Variants in CHCHD6 observed in about 807,000 individuals in gnomAD.
CHCHD6 encodes the protein coiled-coil-helix-coiled-coil-helix domain containing 6, also known as MICOS complex subunit MIC25.
Under a neutral mutation model 32.3 loss-of-function variants are expected in CHCHD6, and 28 were observed. The observed-to-expected ratio is 0.87, with a 90% CI of 0.64 to 1.19. CHCHD6 has a LOEUF of 1.19. Ranked by LOEUF, CHCHD6 falls within the 50% of genes most tolerant of loss-of-function variation. CHCHD6 has a pLI of 0.00. For missense variants in CHCHD6, 333 were observed against 307.0 expected (o/e 1.08, Z -0.63); for synonymous variants, 122 against 117.5 (o/e 1.04, Z -0.25).
intron 7 of CHCHD6, 103 bp downstream of exon 7, chr3:126,957,654 C>A: frequency 1.5e-6 from 2 of 1,355,016 alleles, no homozygotes; most frequent in Non-Finnish European, 2.0e-6. Context: ...CTGTTAGAAT[C>A]AGATGCTCCA....
At chr3:126,709,909 C>T (rs1001790592) in intron 1 of CHCHD6, among the ~76,000 whole-genome samples, 5 of 152,118 alleles carry the variant, frequency 3.3e-5, no homozygotes, top group Non-Finnish European at 5.9e-5. Flanking sequence ...AAATACTATG[C>T]CATTTTATAA....
At chr3:126,904,030 C>G (rs1206553336) in intron 5 of CHCHD6, among the ~76,000 whole-genome samples, 1 of 152,176 alleles carries the variant, frequency 6.6e-6, no homozygotes, top group Non-Finnish European at 1.5e-5. Context: ...TTAAATGGGA[C>G]TTTGATCTTT....
intron 6 of CHCHD6, among the ~76,000 whole-genome samples, chr3:126,926,524 A>G (rs1014589738): frequency 1.3e-5 from 2 of 152,148 alleles, no homozygotes; most frequent in Non-Finnish European, 2.9e-5. Context: ...GGACCAGGGC[A>G]GGCTGTGCAG....
intron 4 of CHCHD6, among the ~76,000 whole-genome samples, chr3:126,815,726 A>AT (rs1939868138): frequency 6.7e-6 from 1 of 148,176 alleles, no homozygotes; most frequent in African/African-American, 2.5e-5. Context: ...TCAGAAACAC[A>AT]TAACTGGTCA....
At chr3:126,856,729 C>G (rs1941678268) in intron 5 of CHCHD6, among the ~76,000 whole-genome samples, 1 of 152,166 alleles carries the variant, frequency 6.6e-6, no homozygotes, top group Non-Finnish European at 1.5e-5. Flanking sequence ...GAAGAAGACC[C>G]TGAGAGCCCA....
At chr3:126,929,420 C>T (rs1251658389) in intron 6 of CHCHD6, among the ~76,000 whole-genome samples, 1 of 152,192 alleles carries the variant, frequency 6.6e-6, no homozygotes, top group African/African-American at 2.4e-5. Context: ...CCTGTGAACT[C>T]GCCTCCATGC....
intron 6 of CHCHD6, among the ~76,000 whole-genome samples, chr3:126,937,626 C>T (rs943451322): frequency 6.6e-6 from 1 of 152,146 alleles, no homozygotes; most frequent in African/African-American, 2.4e-5. Flanking sequence ...AAATCCCATG[C>T]CTTACAGATG....
chr3:126,709,475 T>G (rs1309161388), intron 1 of CHCHD6, among the ~76,000 whole-genome samples: 1 of 152,180 alleles, frequency 6.6e-6, no homozygotes, highest in East Asian at 1.9e-4. Context: ...CAGGCAAATG[T>G]TTTTAGTTCT....
chr3:126,764,718 G>C (rs1160751327), intron 4 of CHCHD6, among the ~76,000 whole-genome samples: 1 of 152,230 alleles, frequency 6.6e-6, no homozygotes, highest in African/African-American at 2.4e-5. Flanking sequence ...AGGATTCCAG[G>C]AGCACAGATG....
chr3:126,764,222 T>TATAA (rs1937273461), intron 4 of CHCHD6, among the ~76,000 whole-genome samples: 1 of 147,358 alleles, frequency 6.8e-6, no homozygotes, highest in Admixed American at 6.8e-5. Flanking sequence ...TATATATATA[T>TATAA]ATAAATATAT....
intron 6 of CHCHD6, among the ~76,000 whole-genome samples, chr3:126,924,007 G>A (rs2078289390): frequency 6.6e-6 from 1 of 152,160 alleles, no homozygotes; most frequent in Non-Finnish European, 1.5e-5. Flanking sequence ...AGCAGCCATG[G>A]GCACAAAGGG....
chr3:126,876,732 C>T (rs879459600), intron 5 of CHCHD6, among the ~76,000 whole-genome samples: 9 of 152,130 alleles, frequency 5.9e-5, no homozygotes, highest in African/African-American at 1.7e-4. Flanking sequence ...ATTTTGCAAC[C>T]GGACTCTAAT....
intron 4 of CHCHD6, among the ~76,000 whole-genome samples, chr3:126,787,012 G>T (rs1387048784): frequency 2.0e-5 from 3 of 152,184 alleles, no homozygotes; most frequent in Admixed American, 6.6e-5. Context: ...TAAGGTGTAA[G>T]GAAAGGATCC....
chr3:126,803,072 G>C (rs558150609), intron 4 of CHCHD6, among the ~76,000 whole-genome samples: 4 of 151,522 alleles, frequency 2.6e-5, no homozygotes, highest in Admixed American at 6.6e-5. Flanking sequence ...AGCACTAAAC[G>C]TGGAAAGGAA....
At chr3:126,841,777 T>C (rs1276995439) in intron 4 of CHCHD6, among the ~76,000 whole-genome samples, 1 of 152,052 alleles carries the variant, frequency 6.6e-6, no homozygotes, top group East Asian at 1.9e-4. Flanking sequence ...TAACTGGGCA[T>C]TGTGGCATGT....
At chr3:126,913,261 C>CTTTTT (rs2078122249) in intron 5 of CHCHD6, among the ~76,000 whole-genome samples, 1 of 79,068 alleles carries the variant, frequency 1.3e-5, no homozygotes, top group African/African-American at 4.6e-5. Context: ...CGGAGTTTCA[C>CTTTTT]TTTTGTCGCC....
intron 4 of CHCHD6, among the ~76,000 whole-genome samples, chr3:126,814,174 C>T (rs1039142522): frequency 5.9e-5 from 9 of 152,112 alleles, no homozygotes; most frequent in Non-Finnish European, 7.4e-5. Context: ...GATGTCTCTA[C>T]GGAGAGAACA....
chr3:126,751,960 G>C lies in CHCHD6; in HGVS notation c.411+18738G>C, dbSNP rs1012556242. 2.0e-5 allele frequency among the ~76,000 whole-genome samples: 3 copies of C among 152,166 alleles called. No homozygotes were observed. The East Asian group carries it at 5.8e-4, about 29-fold the overall frequency. ...TGTACCCTGTCCACCTCTGGGACACGGCCTCATGCATAGTAAAATTCACTC... is the reference window on the plus strand; with the variant it reads ...TGTACCCTGTCCACCTCTGGGACACCGCCTCATGCATAGTAAAATTCACTC... On this transcript the variant is annotated intron_variant, in intron 4 of 7. Transcript: ENST00000290913.
intron 4 of CHCHD6, among the ~76,000 whole-genome samples, chr3:126,735,606 G>A (rs747944562): frequency 4.6e-5 from 7 of 152,316 alleles, no homozygotes; most frequent in Admixed American, 1.3e-4. Flanking sequence ...TAGCCAGCTT[G>A]CACCTCATGC....
Sources: gnomAD v4.1 joint callset for allele counts (sites outside exome capture counted in the v4.1 genomes callset) on GRCh38, gnomAD v4.1.1 for gene constraint, MANE v1.5 for transcripts, NCBI Gene and HGNC (gene_info 2026-07-23, HGNC 2026-07-21) for gene names.